TFEC: variants seen among roughly 807,000 people sequenced by gnomAD.
TFEC encodes the protein transcription factor EC, also known as class E basic helix-loop-helix protein 34.
A neutral mutation model predicts 41.6 loss-of-function variants in TFEC; 31 were observed. The ratio of observed to expected loss-of-function variants is 0.74; its 90% CI spans 0.56 to 1.01. The LOEUF (loss-of-function observed/expected upper bound fraction) is 1.01, where lower values mean the gene tolerates loss of function less well. Among genes scored for constraint, TFEC ranks in the 50% least tolerant of loss-of-function variants. The probability of loss-of-function intolerance (pLI) is 0.00; values close to 1 mark genes in which losing one functional copy is unlikely to be tolerated. For missense variants in TFEC, 402 were observed against 404.1 expected (o/e 0.99, Z 0.04); for synonymous variants, 143 against 140.6 (o/e 1.02, Z -0.12).
chr7:116,068,027 A>G (rs911269676), intron 3 of TFEC, among the ~76,000 whole-genome samples: 1 of 151,888 alleles, frequency 6.6e-6, no homozygotes, highest in Admixed American at 6.6e-5. Flanking sequence ...TTGAAAAAAA[A>G]TAAGTCCATA....
intron 1 of TFEC, among the ~76,000 whole-genome samples, chr7:116,026,240 C>T (rs188366620): frequency 6.6e-6 from 1 of 152,346 alleles, no homozygotes; most frequent in Admixed American, 6.5e-5. Flanking sequence ...TCTGCACATG[C>T]TAGTCTTTCG....
At chr7:116,081,022 T>C (rs1490917096) in intron 3 of TFEC, among the ~76,000 whole-genome samples, 3 of 151,210 alleles carry the variant, frequency 2.0e-5, no homozygotes, top group Non-Finnish European at 3.0e-5. Context: ...TGTGTATAAA[T>C]ATAAAATGGA....
chr7:115,995,237 C>G (rs1794311838), intron 1 of TFEC, among the ~76,000 whole-genome samples: 1 of 150,956 alleles, frequency 6.6e-6, no homozygotes, highest in Non-Finnish European at 1.5e-5. Context: ...GGAGATATAC[C>G]TAATGTAAAT....
chr7:116,148,902 G>GA lies in TFEC; in HGVS notation c.-69+10887dup, dbSNP rs375596657. 5.7e-3 allele frequency among the ~76,000 whole-genome samples: 782 copies of GA among 137,504 alleles called. 3 individuals carry two copies. Among genetic ancestry groups the GA allele is most frequent in the African/African-American group, 0.015 (579 of 37,704 alleles). 90.2% of individuals were successfully genotyped at this position (137,504 alleles called of 152,430 possible). A position where few individuals can be genotyped will look rare whatever the true frequency, so the allele number is the denominator to read the frequency against. ...CATCAAGAGAAGGACTGTAGATACA[G>GA]AAAAAAAAAAAATGGCCCAAAGACT... On this transcript the variant is annotated intron_variant, in intron 1 of 8. Transcript: ENST00000484212.
chr7:116,101,341 G>A (rs969227535), intron 3 of TFEC, among the ~76,000 whole-genome samples: 6 of 152,042 alleles, frequency 3.9e-5, no homozygotes, highest in African/African-American at 1.4e-4. Flanking sequence ...ATATCAATAA[G>A]AGAATCAAAG....
intron 3 of TFEC, among the ~76,000 whole-genome samples, chr7:116,091,033 G>A (rs1353685078): frequency 6.6e-6 from 1 of 151,860 alleles, no homozygotes; most frequent in Non-Finnish European, 1.5e-5. Context: ...GTTGATGGGT[G>A]CAGCAAACCA....
At chr7:116,119,235 A>C (rs1031917133) in intron 1 of TFEC, among the ~76,000 whole-genome samples, 1 of 151,822 alleles carries the variant, frequency 6.6e-6, no homozygotes. Flanking sequence ...CACATTTAAG[A>C]AGTGGTATAT....
At chr7:116,081,983 T>C (rs1186667786) in intron 3 of TFEC, among the ~76,000 whole-genome samples, 1 of 151,948 alleles carries the variant, frequency 6.6e-6, no homozygotes, top group Non-Finnish European at 1.5e-5. Flanking sequence ...TAGTGGATCC[T>C]TTCTTCTGCT....
intron 3 of TFEC, among the ~76,000 whole-genome samples, chr7:116,101,297 G>A (rs1317404339): frequency 6.6e-6 from 1 of 151,512 alleles, no homozygotes; most frequent in Non-Finnish European, 1.5e-5. Context: ...TTGCCTGAGA[G>A]AGACAGCAAG....
In TFEC at chr7:116,003,354, A is replaced by G. The variant is rs1794670779; in HGVS notation, c.-72-18841T>C. Among the ~76,000 whole-genome samples, 3 of 152,204 alleles carry G rather than the reference A, an allele frequency of 2.0e-5. 1 individual carries two copies. The highest frequency in any genetic ancestry group is 1.5e-5 in the Non-Finnish European group (1 of 68,016). On this transcript the variant is annotated intron_variant, in intron 1 of 7. Transcript: ENST00000265440. ...GAATTACTATGTTAACTTTAGACAG[A>G]GCAGGCCTCACAGCAAGGTAAGTGA... is the stretch of plus-strand genomic sequence containing the variant.
intron 3 of TFEC, among the ~76,000 whole-genome samples, chr7:116,070,767 CTTA>C (rs1053063735): frequency 2.8e-4 from 42 of 151,290 alleles, no homozygotes; most frequent in African/African-American, 6.8e-4. Flanking sequence ...CTTAGATATC[CTTA>C]TTATACAACT....
chr7:116,114,601 A>G (rs988413068), intron 1 of TFEC, among the ~76,000 whole-genome samples: 1 of 151,770 alleles, frequency 6.6e-6, no homozygotes, highest in African/African-American at 2.4e-5. Context: ...GTTTCTGCAC[A>G]CTCCCATCCT....
chr7:115,978,297 AC>A (rs1793475271), intron 2 of TFEC, among the ~76,000 whole-genome samples: 1 of 152,212 alleles, frequency 6.6e-6, no homozygotes, highest in African/African-American at 2.4e-5. Flanking sequence ...GAAAAATAAT[AC>A]CAAGTGATCA....
At chr7:116,156,600 T>G (rs1157741603) in intron 1 of TFEC, among the ~76,000 whole-genome samples, 1 of 152,190 alleles carries the variant, frequency 6.6e-6, no homozygotes. Context: ...TTTTAAGCTA[T>G]CTATTTTTTT....
chr7:116,137,593 T>A (rs1562983202), intron 1 of TFEC, among the ~76,000 whole-genome samples: 1 of 152,158 alleles, frequency 6.6e-6, no homozygotes, highest in Non-Finnish European at 1.5e-5. Flanking sequence ...AGAAATGATA[T>A]ATGTGAAGAT....
chr7:116,113,667 A>G (rs1240688027), intron 1 of TFEC, among the ~76,000 whole-genome samples: 1 of 152,016 alleles, frequency 6.6e-6, no homozygotes, highest in African/African-American at 2.4e-5. Flanking sequence ...GCTTTTTACT[A>G]AGATTCTTAT....
intron 3 of TFEC, chr7:116,110,669 A>T (rs1249018735): frequency 1.6e-6 from 2 of 1,233,360 alleles, no homozygotes; most frequent in East Asian, 6.2e-5. Context: ...TACTATACTT[A>T]CTTAGAAATT....
intron 3 of TFEC, among the ~76,000 whole-genome samples, chr7:116,060,587 T>C (rs115109042): frequency 3.9e-4 from 59 of 152,256 alleles, no homozygotes; most frequent in African/African-American, 1.4e-3. Context: ...TGGGGGCTAT[T>C]AGCCTTAGCA....
At chr7:116,146,524 C>T (rs1243302371) in intron 1 of TFEC, among the ~76,000 whole-genome samples, 1 of 152,308 alleles carries the variant, frequency 6.6e-6, no homozygotes, top group South Asian at 2.1e-4. Context: ...CAAGAATTCA[C>T]ATCACCTATA....
Sources: allele counts gnomAD v4.1 joint callset (sites outside exome capture counted in the v4.1 genomes callset), GRCh38; gene constraint gnomAD v4.1.1; transcripts MANE v1.5; gene names NCBI Gene and HGNC (gene_info 2026-07-23, HGNC 2026-07-21).